FUT9: variants seen among roughly 807,000 people sequenced by gnomAD.
FUT9 encodes the protein fucosyltransferase 9.
Under a neutral mutation model 29.7 loss-of-function variants are expected in FUT9, and 15 were observed. That is an observed-to-expected ratio of 0.51 (90% CI 0.34 to 0.78). The LOEUF is 0.78. FUT9 is among the 30% of genes least tolerant of loss of function. The probability of loss-of-function intolerance (pLI) is 0.01; values close to 1 mark genes in which losing one functional copy is unlikely to be tolerated. For synonymous variants in FUT9, 169 were observed against 153.7 expected (o/e 1.10, Z -0.74); for missense variants, 319 against 425.4 (o/e 0.75, Z 2.20).
intron 1 of FUT9, among the ~76,000 whole-genome samples, chr6:96,068,954 G>A (rs1240506021): frequency 1.3e-5 from 2 of 152,112 alleles, no homozygotes; most frequent in African/African-American, 4.8e-5. Context: ...TTTGTACGCA[G>A]ATAATAACCA....
intron 1 of FUT9, among the ~76,000 whole-genome samples, chr6:96,023,745 A>G (rs1240269573): frequency 6.6e-6 from 1 of 151,906 alleles, no homozygotes; most frequent in Non-Finnish European, 1.5e-5. Context: ...AGCTCTCATT[A>G]CACTGTTTCA....
At position 96,081,555 on chromosome 6, in the gene FUT9, G is replaced by T. The variant is rs143552611; in HGVS notation, c.-97-32484G>T. Among the ~76,000 whole-genome samples, 363 of 151,838 alleles carry T rather than the reference G, an allele frequency of 2.4e-3. 5 individuals carry two copies. Among genetic ancestry groups the T allele is most frequent in the African/African-American group, 8.4e-3 (349 of 41,510 alleles). On this transcript the variant is annotated intron_variant, in intron 1 of 2. Coordinates refer to ENST00000302103, the MANE Select transcript of FUT9 (RefSeq NM_006581.4). Reference sequence around the variant, plus strand: ...TAAATTCTAATATGGGTAAATATTTGAATGGCTTCCAAGATGATGGTTGTG... The same window carrying T: ...TAAATTCTAATATGGGTAAATATTTTAATGGCTTCCAAGATGATGGTTGTG...
chr6:96,153,780 T>C (rs1031183629), intron 2 of FUT9, among the ~76,000 whole-genome samples: 2 of 151,934 alleles, frequency 1.3e-5, no homozygotes, highest in African/African-American at 4.8e-5. Context: ...TTATGGATGC[T>C]AGAATCACTG....
At chr6:96,098,953 T>C (rs1032677834) in intron 1 of FUT9, among the ~76,000 whole-genome samples, 16 of 152,154 alleles carry the variant, frequency 1.1e-4, no homozygotes, top group African/African-American at 3.9e-4. Context: ...GTCTCTGTCA[T>C]AGTCTTTACC....
intron 1 of FUT9, among the ~76,000 whole-genome samples, chr6:96,031,509 GC>G (rs969477989): frequency 1.3e-5 from 2 of 151,402 alleles, no homozygotes; most frequent in African/African-American, 2.4e-5. Flanking sequence ...TAGGGTGACT[GC>G]CCCCCAAGAT....
At chr6:96,057,349 G>A (rs17721521) in intron 1 of FUT9, among the ~76,000 whole-genome samples, 5,837 of 152,146 alleles carry the variant, frequency 0.038, 157 homozygotes, top group South Asian at 0.12. Flanking sequence ...TCTAACATTA[G>A]GAAGTGCTAA....
chr6:96,056,608 G>A (rs1770773488), intron 1 of FUT9, among the ~76,000 whole-genome samples: 1 of 152,032 alleles, frequency 6.6e-6, no homozygotes, highest in African/African-American at 2.4e-5. Flanking sequence ...CTCTCAGCTG[G>A]GTGTGGTGGC....
chr6:96,165,858 C>T (rs1773006331), intron 2 of FUT9, among the ~76,000 whole-genome samples: 1 of 152,092 alleles, frequency 6.6e-6, no homozygotes, highest in African/African-American at 2.4e-5. Context: ...TCAAGTGATC[C>T]ACCAGCCTCA....
chr6:96,198,220 A>G (rs1431321817), intron 2 of FUT9, among the ~76,000 whole-genome samples: 1 of 150,822 alleles, frequency 6.6e-6, no homozygotes, highest in East Asian at 2.0e-4. Context: ...GCACCCACTA[A>G]CTCGTCATCT....
intron 2 of FUT9, among the ~76,000 whole-genome samples, chr6:96,179,867 T>C (rs1290421766): frequency 6.6e-6 from 1 of 152,136 alleles, no homozygotes; most frequent in Non-Finnish European, 1.5e-5. Context: ...ACACAGCTTA[T>C]GACAAAATAA....
intron 1 of FUT9, among the ~76,000 whole-genome samples, chr6:96,095,150 C>A (rs1179721089): frequency 1.3e-5 from 2 of 152,020 alleles, no homozygotes; most frequent in Non-Finnish European, 2.9e-5. Context: ...ATCACATGCC[C>A]ATATATACAG....
chr6:96,148,566 C>A (rs1772616175), intron 2 of FUT9, among the ~76,000 whole-genome samples: 1 of 152,096 alleles, frequency 6.6e-6, no homozygotes, highest in Non-Finnish European at 1.5e-5. Context: ...CTTTCATTGA[C>A]CCTATCAAAA....
chr6:96,074,219 C>T (rs911004373), intron 1 of FUT9, among the ~76,000 whole-genome samples: 5 of 152,062 alleles, frequency 3.3e-5, no homozygotes, highest in African/African-American at 1.2e-4. Flanking sequence ...GGCAGCTGCA[C>T]GTGGCCTATT....
At chr6:96,139,457 T>A (rs949606769) in intron 2 of FUT9, among the ~76,000 whole-genome samples, 4 of 152,158 alleles carry the variant, frequency 2.6e-5, no homozygotes, top group African/African-American at 9.6e-5. Flanking sequence ...TATTCTGCAG[T>A]CTGGAGGACG....
intron 2 of FUT9, among the ~76,000 whole-genome samples, chr6:96,191,850 T>G (rs1050277509): frequency 2.6e-5 from 4 of 152,130 alleles, no homozygotes; most frequent in African/African-American, 9.7e-5. Context: ...AAAGCTTATC[T>G]AACATGACCA....
Position 96,049,072 on chromosome 6 carries a change from A to C in FUT9, c.-98+32860A>C, listed in dbSNP as rs547672863. On this transcript the variant is annotated intron_variant, in intron 1 of 2. Transcript: ENST00000302103. ...TTTGAATAGTGCCTGACACATATTA[A>C]ATAAATACTACTTATAAATATGAAA... 2.6e-5 allele frequency among the ~76,000 whole-genome samples: 4 copies of C among 152,370 alleles called. No individual in the cohort carries two copies. In the South Asian group the frequency reaches 8.3e-4, roughly 32 times the overall value.
chr6:96,119,206 A>C (rs940865334), intron 2 of FUT9, among the ~76,000 whole-genome samples: 3 of 152,186 alleles, frequency 2.0e-5, no homozygotes, highest in African/African-American at 7.2e-5. Flanking sequence ...TGCAACTTCC[A>C]GTCCTGCAAG....
chr6:96,066,160 G>C (rs1770958404), intron 1 of FUT9, among the ~76,000 whole-genome samples: 1 of 151,998 alleles, frequency 6.6e-6, no homozygotes, highest in Non-Finnish European at 1.5e-5. Flanking sequence ...CTACCTTATA[G>C]TAAGGAAATA....
At chr6:96,201,832 T>A (rs1773730496) in intron 2 of FUT9, among the ~76,000 whole-genome samples, 1 of 151,342 alleles carries the variant, frequency 6.6e-6, no homozygotes, top group African/African-American at 2.4e-5. Context: ...GGGAGTGATC[T>A]AGAATGCAGT....
Sources: gnomAD v4.1 joint callset for allele counts (sites outside exome capture counted in the v4.1 genomes callset) on GRCh38, gnomAD v4.1.1 for gene constraint, MANE v1.5 for transcripts, NCBI Gene and HGNC (gene_info 2026-07-23, HGNC 2026-07-21) for gene names.